The following VPS13B variants were observed in gnomAD, a reference collection of about 807,000 sequenced individuals.
VPS13B encodes the protein intermembrane lipid transfer protein VPS13B.
VPS13B carries 285 observed loss-of-function variants against 426.4 expected under a neutral mutation model. The ratio of observed to expected loss-of-function variants is 0.67; its 90% confidence interval spans 0.61 to 0.74. The LOEUF is 0.74. VPS13B is among the 30% of genes least tolerant of loss of function. VPS13B has a pLI of 0.00. For synonymous variants in VPS13B, 1,676 were observed against 1,676.4 expected, an observed-to-expected ratio of 1.00 and a Z score of 0.01; for missense variants, 4,537 against 4,782.6, an observed-to-expected ratio of 0.95 and a Z score of 1.51.
chr8:99,365,554 T>A (rs1250239166), intron 19 of VPS13B, among the ~76,000 whole-genome samples: 1 of 141,068 alleles, frequency 7.1e-6, no homozygotes, highest in Non-Finnish European at 1.5e-5. Flanking sequence ...TCTCGCTCTG[T>A]CGCCCAGGCT....
chr8:99,853,369 A>T, intron 55 of VPS13B, 82 bp from the exon 56 acceptor site: 1 of 1,415,928 alleles, frequency 7.1e-7, no homozygotes, highest in Non-Finnish European at 9.9e-7. Flanking sequence ...GGTATTTAAT[A>T]GGGTACTGTC....
chr8:99,673,812 A>G (rs1408918124), intron 35 of VPS13B, among the ~76,000 whole-genome samples: 1 of 151,934 alleles, frequency 6.6e-6, no homozygotes, highest in African/African-American at 2.4e-5. Flanking sequence ...ACACCATTTC[A>G]TTTGTCTCAA....
At chr8:99,176,142 G>C (rs1812618021) in intron 16 of VPS13B, among the ~76,000 whole-genome samples, 1 of 143,550 alleles carries the variant, frequency 7.0e-6, no homozygotes, top group South Asian at 2.2e-4. Context: ...ATAAACTTTT[G>C]TTTTTTTTTT....
At chr8:99,556,704 A>C (rs748022294) in intron 31 of VPS13B, 51 bp downstream of exon 31, 27 of 1,582,250 alleles carry the variant, frequency 1.7e-5, no homozygotes, top group Non-Finnish European at 2.2e-5. Flanking sequence ...TCATTGCCAG[A>C]ATAGTTGGTG....
chr8:99,228,200 G>T (rs2132848606), intron 17 of VPS13B, among the ~76,000 whole-genome samples: 1 of 152,256 alleles, frequency 6.6e-6, no homozygotes, highest in African/African-American at 2.4e-5. Context: ...TTAAAATTTT[G>T]TAATTTGTGA....
rs11988934 is a variant in VPS13B at position 99,270,719 on chromosome 8, A to G, written c.2516-3479A>G. ...TTTTAGTAGCTCTTGTTTGCTGACT[A>G]CTATATAGGTTTCCTGTATTTCTTT... On this transcript the variant is annotated intron_variant, in intron 17 of 61. Transcript: ENST00000357162. 3.5e-3 allele frequency among the ~76,000 whole-genome samples: 533 copies of G among 152,260 alleles called. 5 individuals are homozygous for G. Among genetic ancestry groups the G allele is most frequent in the African/African-American group, 0.012 (510 of 41,546 alleles).
intron 19 of VPS13B, among the ~76,000 whole-genome samples, chr8:99,282,747 A>G (rs1819231191): frequency 6.6e-6 from 1 of 152,210 alleles, no homozygotes. Context: ...ATAATTTAAA[A>G]TAAGTGTTCC....
rs537591503 is a variant in VPS13B, at chr8:99,337,533, A to G, written c.2825-46675A>G. 3.6e-3 allele frequency among the ~76,000 whole-genome samples: 528 copies of G among 145,142 alleles called. 1 individual carries two copies. Among genetic ancestry groups the G allele is most frequent in the Middle Eastern group, 0.032 (9 of 278 alleles). Reference sequence around the variant, plus strand: ...TATAATAAAAAAGATTCCTAAGGGGAAAAAAAAAAAGAGTTGAAGGTCTTT... The same window carrying G: ...TATAATAAAAAAGATTCCTAAGGGGGAAAAAAAAAAGAGTTGAAGGTCTTT... On this transcript the variant is annotated intron_variant, in intron 19 of 61. Coordinates refer to ENST00000357162, the MANE Select transcript of VPS13B (RefSeq NM_152564.5).
At chr8:99,437,511 A>C (rs145880354) in intron 22 of VPS13B, among the ~76,000 whole-genome samples, 5 of 151,976 alleles carry the variant, frequency 3.3e-5, no homozygotes, top group African/African-American at 1.2e-4. Flanking sequence ...TGAGGTTAGG[A>C]GTTCAAGACC....
intron 29 of VPS13B, among the ~76,000 whole-genome samples, chr8:99,519,919 G>T (rs1480389272): frequency 6.6e-6 from 1 of 152,034 alleles, no homozygotes; most frequent in Non-Finnish European, 1.5e-5. Context: ...CCTGCATGTT[G>T]TGCACATGTA....
intron 21 of VPS13B, among the ~76,000 whole-genome samples, chr8:99,419,290 C>T (rs1184550751): frequency 6.6e-6 from 1 of 152,166 alleles, no homozygotes; most frequent in Non-Finnish European, 1.5e-5. Flanking sequence ...GATTGTTTTC[C>T]TGAGGCCTCC....
At chr8:99,716,852 G>A (rs183066802) in intron 36 of VPS13B, among the ~76,000 whole-genome samples, 43 of 152,248 alleles carry the variant, frequency 2.8e-4, no homozygotes, top group Middle Eastern at 6.8e-3. Context: ...TGAAGCAGCT[G>A]TTCTTATTCT....
intron 40 of VPS13B, among the ~76,000 whole-genome samples, chr8:99,776,272 A>G (rs1588702187): frequency 6.6e-6 from 1 of 152,238 alleles, no homozygotes; most frequent in Non-Finnish European, 1.5e-5. Flanking sequence ...GGAGATCAGT[A>G]TGATCATAGA....
chr8:99,847,811 C>G (rs1453362785), intron 54 of VPS13B, among the ~76,000 whole-genome samples: 2 of 152,202 alleles, frequency 1.3e-5, no homozygotes, highest in Admixed American at 6.5e-5. Flanking sequence ...TGTGTACACT[C>G]TGGTGCTTCT....
intron 16 of VPS13B, among the ~76,000 whole-genome samples, chr8:99,180,950 G>A (rs958429129): frequency 6.6e-6 from 1 of 152,144 alleles, no homozygotes. Context: ...TGTGACACCA[G>A]TGGTGGAAAT....
At chr8:99,707,046 C>A (rs1002861501) in intron 36 of VPS13B, among the ~76,000 whole-genome samples, 6 of 152,108 alleles carry the variant, frequency 3.9e-5, no homozygotes, top group African/African-American at 1.4e-4. Flanking sequence ...GTCCCCTGGA[C>A]TTGTTGGCTA....
At chr8:99,756,813 A>G (rs1249126273) in intron 39 of VPS13B, among the ~76,000 whole-genome samples, 2 of 152,242 alleles carry the variant, frequency 1.3e-5, no homozygotes, top group African/African-American at 4.8e-5. Flanking sequence ...CCCACTTTAA[A>G]GAAAGTGGAA....
chr8:99,489,768 T>C (rs1820502225), intron 25 of VPS13B, among the ~76,000 whole-genome samples: 2 of 152,230 alleles, frequency 1.3e-5, no homozygotes, highest in South Asian at 4.1e-4. Flanking sequence ...CCTGAGACTT[T>C]GCCAAAGTTG....
intron 21 of VPS13B, among the ~76,000 whole-genome samples, chr8:99,408,483 A>G (rs1815450891): frequency 6.6e-6 from 1 of 152,202 alleles, no homozygotes; most frequent in Non-Finnish European, 1.5e-5. Flanking sequence ...TTTTGCAGCC[A>G]GAAAGGTGGA....
Sources: gnomAD v4.1 joint callset for allele counts (sites outside exome capture counted in the v4.1 genomes callset) on GRCh38, gnomAD v4.1.1 for gene constraint, MANE v1.5 for transcripts, NCBI Gene and HGNC (gene_info 2026-07-23, HGNC 2026-07-21) for gene names.